Variants in DDX60L observed in about 807,000 individuals in gnomAD.
DDX60L encodes DExD/H-box 60 like, also known as probable ATP-dependent RNA helicase DDX60-like.
Under a neutral mutation model 211.6 loss-of-function variants are expected in DDX60L, and 191 were observed. The ratio of observed to expected loss-of-function variants is 0.90; its 90% CI spans 0.80 to 1.02. The LOEUF (loss-of-function observed/expected upper bound fraction) is 1.02. Ranked by LOEUF, DDX60L falls within the 50% of genes least tolerant of loss-of-function variation. The pLI, the probability that DDX60L is intolerant of heterozygous loss-of-function variation, is 0.00. For missense variants in DDX60L, 2,007 were observed against 1,984.1 expected (o/e 1.01, Z -0.22); for synonymous variants, 706 against 694.1 (o/e 1.02, Z -0.27).
chr4:168,428,478 G>C (rs1331135354), intron 13 of DDX60L, among the ~76,000 whole-genome samples: 1 of 152,154 alleles, frequency 6.6e-6, no homozygotes, highest in Non-Finnish European at 1.5e-5. Flanking sequence ...AAATTAGTGG[G>C]AAAGAGAAAT....
intron 23 of DDX60L, 28 bp downstream of exon 23, chr4:168,406,574 T>C (rs201384343): frequency 4.7e-6 from 7 of 1,504,852 alleles, no homozygotes; most frequent in Non-Finnish European, 6.3e-6. Context: ...TAAAGTTCAT[T>C]TTGGTGAATA....
At chr4:168,397,221 G>T (rs1745960645) in intron 26 of DDX60L, among the ~76,000 whole-genome samples, 1 of 152,156 alleles carries the variant, frequency 6.6e-6, no homozygotes, top group Non-Finnish European at 1.5e-5. Context: ...ACTTGTTATG[G>T]ACTAAGACAA....
intron 14 of DDX60L, among the ~76,000 whole-genome samples, chr4:168,425,519 T>A (rs1751316298): frequency 6.6e-6 from 1 of 152,232 alleles, no homozygotes; most frequent in Non-Finnish European, 1.5e-5. Flanking sequence ...CCTAGCTCTT[T>A]GGGACGCCCT....
At chr4:168,397,045 A>G (rs1309806584) in intron 26 of DDX60L, among the ~76,000 whole-genome samples, 12 of 152,168 alleles carry the variant, frequency 7.9e-5, no homozygotes, top group Admixed American at 7.9e-4. Flanking sequence ...GACCTTATAA[A>G]AGAGGCTCCA....
At chr4:168,364,684 AT>A (rs1739666005) in intron 36 of DDX60L, among the ~76,000 whole-genome samples, 1 of 152,096 alleles carries the variant, frequency 6.6e-6, no homozygotes, top group Non-Finnish European at 1.5e-5. Flanking sequence ...CCTGGCTGAT[AT>A]TTTTTACAGA....
chr4:168,464,218 T>C (rs1267012737), intron 4 of DDX60L, among the ~76,000 whole-genome samples: 1 of 152,170 alleles, frequency 6.6e-6, no homozygotes, highest in African/African-American at 2.4e-5. Context: ...GAATATATAT[T>C]ATTTCCAAGA....
chr4:168,370,856 T>C (rs1476267773), intron 36 of DDX60L, among the ~76,000 whole-genome samples: 1 of 149,698 alleles, frequency 6.7e-6, no homozygotes, highest in African/African-American at 2.6e-5. Flanking sequence ...CATTTCTACC[T>C]ACTTGTTTCC....
chr4:168,472,234 C>T (rs897993152), intron 3 of DDX60L, among the ~76,000 whole-genome samples: 1 of 152,140 alleles, frequency 6.6e-6, no homozygotes, highest in Non-Finnish European at 1.5e-5. Flanking sequence ...TGGATAAGGA[C>T]ATATATAACT....
At chr4:168,392,776 G>A (rs778031735) in intron 28 of DDX60L, among the ~76,000 whole-genome samples, 5 of 150,218 alleles carry the variant, frequency 3.3e-5, no homozygotes, top group Admixed American at 1.3e-4. Context: ...GGAGACGGAC[G>A]TTGCAGCGAG....
chr4:168,398,433 C>A (rs1746204855), intron 26 of DDX60L, among the ~76,000 whole-genome samples: 1 of 152,236 alleles, frequency 6.6e-6, no homozygotes, highest in African/African-American at 2.4e-5. Context: ...CTAAGAGCAG[C>A]TCGGCACTGG....
chr4:168,422,427 A>G, intron 16 of DDX60L, 97 bp downstream of exon 16: 1 of 1,180,800 alleles, frequency 8.5e-7, no homozygotes, highest in Non-Finnish European at 1.2e-6. Flanking sequence ...ATTAAACAAG[A>G]TTAAGAAGTT....
intron 8 of DDX60L, 54 bp from the exon 9 acceptor site, chr4:168,448,833 C>T (rs985797090): frequency 2.0e-6 from 3 of 1,531,032 alleles, no homozygotes; most frequent in African/African-American, 1.4e-5. Flanking sequence ...TAATTTCATA[C>T]TCCTGGTTAA....
intron 28 of DDX60L, among the ~76,000 whole-genome samples, chr4:168,391,963 T>C (rs1744912765): frequency 6.6e-6 from 1 of 152,196 alleles, no homozygotes; most frequent in Non-Finnish European, 1.5e-5. Flanking sequence ...CCATGTTTAC[T>C]TGTCCCCCCA....
chr4:168,408,913 T>C (rs1289893165), intron 22 of DDX60L, among the ~76,000 whole-genome samples: 1 of 152,094 alleles, frequency 6.6e-6, no homozygotes, highest in Non-Finnish European at 1.5e-5. Context: ...TTTCCATGAG[T>C]GTTACAGAGA....
At chr4:168,362,849 A>G (rs1205710675) in intron 36 of DDX60L, among the ~76,000 whole-genome samples, 3 of 152,204 alleles carry the variant, frequency 2.0e-5, no homozygotes, top group Non-Finnish European at 2.9e-5. Context: ...ACAAATATTC[A>G]CCTTATAGGG....
In DDX60L at chr4:168,460,276, A is replaced by G. The variant is rs74904819; in HGVS notation, c.606+1423T>C. ...ATACTGCATAAACCTAATGTCAACT[A>G]TACCAAAATAATGAGCCTATCATAA... On this transcript the variant is annotated intron_variant, in intron 5 of 37. Transcript: ENST00000682922. Among the ~76,000 whole-genome samples the G allele has an allele frequency of 5.6e-4, 86 of 152,340 alleles. 1 individual carries two copies. The East Asian group carries it at 0.015, about 27-fold the overall frequency.
chr4:168,427,882 ATTCCCATTTTGC>A (rs1323008092), intron 13 of DDX60L, among the ~76,000 whole-genome samples: 1 of 152,204 alleles, frequency 6.6e-6, no homozygotes, highest in East Asian at 1.9e-4. Flanking sequence ...CAAACATTTA[ATTCCCATTTTGC>A]TTCTATTTCA....
intron 6 of DDX60L, among the ~76,000 whole-genome samples, chr4:168,457,564 T>C (rs1873134): frequency 0.29 from 44,164 of 152,036 alleles, 8,085 homozygotes; most frequent in East Asian, 0.62. Context: ...ACATTTTGAC[T>C]GTTTATATGG....
At chr4:168,421,721 CAGG>C in intron 17 of DDX60L, 36 bp downstream of exon 17, 1 of 1,608,804 alleles carries the variant, frequency 6.2e-7, no homozygotes, top group South Asian at 1.1e-5. Context: ...AGGGGATGTT[CAGG>C]AACAAAAGCA....
Sources: gnomAD v4.1 joint callset for allele counts (sites outside exome capture counted in the v4.1 genomes callset) on GRCh38, gnomAD v4.1.1 for gene constraint, MANE v1.5 for transcripts, NCBI Gene and HGNC (gene_info 2026-07-23, HGNC 2026-07-21) for gene names.